The following RAB3GAP1 variants were observed in gnomAD, a reference collection of about 807,000 sequenced individuals.
RAB3GAP1 encodes the protein RAB3 GTPase activating protein catalytic subunit 1.
RAB3GAP1 carries 86 observed loss-of-function variants against 130.7 expected under a neutral mutation model. The observed-to-expected ratio is 0.66, with a 90% confidence interval of 0.55 to 0.79. The LOEUF is 0.79. Ranked by LOEUF, RAB3GAP1 falls within the 30% of genes least tolerant of loss-of-function variation. The pLI is 0.00. For missense variants in RAB3GAP1, 1,029 were observed against 1,169.4 expected (o/e 0.88, Z 1.75); for synonymous variants, 367 against 401.7 (o/e 0.91, Z 1.03).
rs200942941 is a variant in RAB3GAP1 at position 135,058,291 on chromosome 2, TTA to T, written c.150+213_150+214del. On this transcript the variant is annotated intron_variant, in intron 3 of 23. Coordinates refer to ENST00000264158, the MANE Select transcript of RAB3GAP1 (RefSeq NM_012233.3). ...GACATTTGTGAAATGTTTAATAAAG[TTA>T]TATATATGTGTGTGTGTATATATAT... is the stretch of plus-strand genomic sequence containing the variant. 2.7e-3 allele frequency: 1,420 copies of T among 535,076 alleles called. 13 individuals are homozygous for T. The highest frequency in any genetic ancestry group is 0.024 in the African/African-American group (1,262 of 52,288). 33.1% of individuals were successfully genotyped at this position (535,076 alleles called of 1,614,324 possible). A position where few individuals can be genotyped will look rare whatever the true frequency, so the allele number is the denominator to read the frequency against.
chr2:135,081,361 T>C (rs565250957), intron 3 of RAB3GAP1, among the ~76,000 whole-genome samples: 1,082 of 71,134 alleles, frequency 0.015, 25 homozygotes, highest in Middle Eastern at 0.039. Flanking sequence ...TATATATATA[T>C]ACACACACGT....
At chr2:135,096,419 T>C (rs1690292870) in intron 5 of RAB3GAP1, among the ~76,000 whole-genome samples, 1 of 152,204 alleles carries the variant, frequency 6.6e-6, no homozygotes, top group Admixed American at 6.5e-5. Context: ...GTAAACGGGA[T>C]AGTGTTTCAT....
downstream of RAB3GAP1, among the ~76,000 whole-genome samples, chr2:135,171,570 G>A (rs1025604673): frequency 1.3e-4 from 20 of 152,162 alleles, no homozygotes; most frequent in Admixed American, 3.9e-4. Context: ...CTATACCACT[G>A]TAATAATTCA....
chr2:135,057,882 A>C, intron 2 of RAB3GAP1, 129 bp from the exon 3 acceptor site: 2 of 687,192 alleles, frequency 2.9e-6, no homozygotes, highest in East Asian at 5.5e-5. Context: ...TTAAGCTAGC[A>C]ATACTAAATG....
chr2:135,117,409 TTTCTTCTTCTTCTTCTTC>T (rs764864449), intron 7 of RAB3GAP1, among the ~76,000 whole-genome samples: 4 of 100,194 alleles, frequency 4.0e-5, no homozygotes, highest in Non-Finnish European at 7.1e-5. Context: ...CAATACTTTA[TTTCTTCTTCTTCTTCTTC>T]TTCTTCTTCT....
intron 5 of RAB3GAP1, among the ~76,000 whole-genome samples, chr2:135,107,484 A>G (rs984342785): frequency 2.6e-5 from 4 of 152,016 alleles, no homozygotes; most frequent in African/African-American, 9.7e-5. Flanking sequence ...AATAACCTGA[A>G]TAGATTATAA....
intron 7 of RAB3GAP1, among the ~76,000 whole-genome samples, chr2:135,117,549 T>TCTTCTGCTTCTTCTTCTG (rs1558784329): frequency 1.2e-5 from 1 of 83,600 alleles, no homozygotes. Context: ...TTCTGCTTCT[T>TCTTCTGCTTCTTCTTCTG]CTTCTTCTGC....
chr2:135,077,130 C>T lies in RAB3GAP1; in HGVS notation c.151-13868C>T, dbSNP rs376975555. ...ACTAAAAATACAAAAATTAGCCAGG[C>T]ATGGTGGCTCACGCCTGTGGTCCTA... On this transcript the variant is annotated intron_variant, in intron 3 of 23. Coordinates refer to ENST00000264158, the MANE Select transcript of RAB3GAP1 (RefSeq NM_012233.3). Among the ~76,000 whole-genome samples the T allele has an allele frequency of 3.9e-5, 6 of 152,182 alleles. No individual in the cohort carries two copies. In the East Asian group the frequency reaches 9.7e-4, roughly 25 times the overall value.
chr2:135,174,277 G>GC (rs5834437), downstream of RAB3GAP1, among the ~76,000 whole-genome samples: 152,270 of 152,274 alleles, frequency 1, 76,133 homozygotes, highest in Middle Eastern at 1. Flanking sequence ...ACATGGCCCA[G>GC]CCCTCAGGGT....
At chr2:135,110,029 A>T (rs1219388153) in intron 5 of RAB3GAP1, among the ~76,000 whole-genome samples, 1 of 152,014 alleles carries the variant, frequency 6.6e-6, no homozygotes, top group Non-Finnish European at 1.5e-5. Flanking sequence ...ATGAAGACAT[A>T]GTCTCAGGAT....
chr2:135,052,322 T>C lies in RAB3GAP1; in HGVS notation c.15T>C (p.Ser5=). 6.2e-7 allele frequency: 1 copy of C among 1,613,858 alleles called. No homozygotes were observed. The highest frequency in any genetic ancestry group is 2.2e-5 in the East Asian group (1 of 44,864). ...CGCTCCTCAAGATGGCTGCCGACAG[T>C]GAGGTGATTTCTTTGCTCCCTACTT... The part of the protein sequence containing the change: MAAD[S]EPESEVFEIT... The change falls in exon 1 of 24, where the codon AGT becomes AGC. Residue 5 remains serine (S), a synonymous_variant. Coordinates refer to ENST00000264158, the MANE Select transcript of RAB3GAP1 (RefSeq NM_012233.3).
intron 3 of RAB3GAP1, among the ~76,000 whole-genome samples, chr2:135,084,417 G>T (rs1689919692): frequency 6.6e-6 from 1 of 152,050 alleles, no homozygotes; most frequent in South Asian, 2.1e-4. Flanking sequence ...TTTCTTGATG[G>T]TATCTATAGT....
intron 19 of RAB3GAP1, among the ~76,000 whole-genome samples, chr2:135,161,526 T>C (rs1363291788): frequency 6.6e-6 from 1 of 152,140 alleles, no homozygotes; most frequent in East Asian, 1.9e-4. Context: ...AAAAGAATGA[T>C]TTGTAGTTAA....
chr2:135,171,150 A>T (rs1042484603), downstream of RAB3GAP1, among the ~76,000 whole-genome samples: 1 of 152,004 alleles, frequency 6.6e-6, no homozygotes, highest in African/African-American at 2.4e-5. Context: ...GAAAATGTCT[A>T]TTTGGGGGGC....
intron 8 of RAB3GAP1, among the ~76,000 whole-genome samples, chr2:135,121,930 T>C (rs975661951): frequency 6.6e-6 from 1 of 151,926 alleles, no homozygotes; most frequent in Non-Finnish European, 1.5e-5. Context: ...TTGTCTCTAC[T>C]AAAAATACAA....
Position 135,058,186 on chromosome 2 carries a change from T to C in RAB3GAP1, c.150+100T>C. 5 of 976,182 alleles carry C rather than the reference T, an allele frequency of 5.1e-6. No individual in the cohort carries two copies. The South Asian group carries it at 6.9e-5, about 13-fold the overall frequency. 60.5% of individuals were successfully genotyped at this position (976,182 alleles called of 1,614,324 possible). Reference sequence around the variant, plus strand: ...TGGCACATTTGAATTAAATGTTTTTTAAAGTTACGTATAATCTATAAACAT... The same window carrying C: ...TGGCACATTTGAATTAAATGTTTTTCAAAGTTACGTATAATCTATAAACAT... On this transcript the variant is annotated intron_variant, in intron 3 of 23. Coordinates refer to ENST00000264158, the MANE Select transcript of RAB3GAP1 (RefSeq NM_012233.3).
At chr2:135,126,876 C>T (rs1691364621) in intron 11 of RAB3GAP1, among the ~76,000 whole-genome samples, 1 of 151,814 alleles carries the variant, frequency 6.6e-6, no homozygotes, top group South Asian at 2.1e-4. Flanking sequence ...CTTTTATTTA[C>T]TTTTTTTTAT....
intron 17 of RAB3GAP1, among the ~76,000 whole-genome samples, chr2:135,147,716 G>A (rs1050882527): frequency 1.4e-5 from 2 of 148,072 alleles, no homozygotes; most frequent in African/African-American, 5.0e-5. Context: ...AGGCTCAAGC[G>A]GTCCTCCCAC....
At chr2:135,152,699 G>C (rs1468710456) in intron 18 of RAB3GAP1, among the ~76,000 whole-genome samples, 1 of 152,118 alleles carries the variant, frequency 6.6e-6, no homozygotes, top group South Asian at 2.1e-4. Context: ...AAGATGGTAG[G>C]GATGGTCATG....
Sources: allele counts gnomAD v4.1 joint callset (sites outside exome capture counted in the v4.1 genomes callset), GRCh38; gene constraint gnomAD v4.1.1; transcripts MANE v1.5; gene names NCBI Gene and HGNC (gene_info 2026-07-23, HGNC 2026-07-21).